PCDHGA2: variants seen among roughly 807,000 people sequenced by gnomAD.
The protein encoded by PCDHGA2 is protocadherin gamma subfamily A, 2, also known as protocadherin gamma-A2.
A neutral mutation model predicts 59.2 loss-of-function variants in PCDHGA2; 40 were observed. The ratio of observed to expected loss-of-function variants is 0.68; its 90% CI spans 0.52 to 0.88. The LOEUF (loss-of-function observed/expected upper bound fraction) is 0.88. PCDHGA2 is among the 40% of genes least tolerant of loss of function. PCDHGA2 has a pLI of 0.00. For synonymous variants in PCDHGA2, 560 were observed against 526.0 expected, an observed-to-expected ratio of 1.06 and a Z score of -0.89; for missense variants, 1,226 against 1,204.0, an observed-to-expected ratio of 1.02 and a Z score of -0.27.
rs70988800 is a variant in PCDHGA2, at chr5:141,379,889, C to CTTTTTTTTTTTT, written c.2424+38513_2424+38524dup. Reference sequence around the variant, plus strand: ...CTTATTTTATGGTCTGTGAAAGCCTCTTTTTTTTTTTTTTTTTTTTTTTTT... The same window carrying CTTTTTTTTTTTT: ...CTTATTTTATGGTCTGTGAAAGCCTCTTTTTTTTTTTTTTTTTTTTTTTTTTTTTTTTTTTTT... On this transcript the variant is annotated intron_variant, in intron 1 of 3. Transcript: ENST00000394576. Among the ~76,000 whole-genome samples, 158 of 50,832 alleles carry CTTTTTTTTTTTT rather than the reference C, an allele frequency of 3.1e-3. 25 individuals are homozygous for CTTTTTTTTTTTT. The highest frequency in any genetic ancestry group is 4.7e-3 in the African/African-American group (71 of 15,080). 33.3% of individuals were successfully genotyped at this position (50,832 alleles called of 152,430 possible). A position where few individuals can be genotyped will look rare whatever the true frequency, so the allele number is the denominator to read the frequency against.
At chr5:141,426,896 C>A in intron 1 of PCDHGA2, 1 of 456,782 alleles carries the variant, frequency 2.2e-6, no homozygotes, top group Non-Finnish European at 4.4e-6. Context: ...AGCAACAGAG[C>A]TCTCATCTCC....
intron 1 of PCDHGA2, chr5:141,423,372 C>G: frequency 6.2e-7 from 1 of 1,614,178 alleles, no homozygotes; most frequent in Non-Finnish European, 8.5e-7. Context: ...TGCTGGCACT[C>G]AGGCTGTGGC....
intron 1 of PCDHGA2, among the ~76,000 whole-genome samples, chr5:141,353,692 T>C (rs1759355773): frequency 6.6e-6 from 1 of 152,252 alleles, no homozygotes. Context: ...TAAAGCGTTT[T>C]CCATACTTCT....
At position 141,345,726 on chromosome 5, in the gene PCDHGA2, C is replaced by T. The variant is rs752462186; in HGVS notation, c.2424+4331C>T. 12 of 1,614,250 alleles carry T rather than the reference C, an allele frequency of 7.4e-6. No homozygotes were observed. The South Asian group carries it at 8.8e-5, about 12-fold the overall frequency. ...CGACAACGCGCCCGAGATCCTGTAC[C>T]CCGCCCTCCCCACAGACGGTTCCAC... On this transcript the variant is annotated intron_variant, in intron 1 of 3. Transcript: ENST00000394576.
At chr5:141,482,852 A>G (rs1237049208) in intron 1 of PCDHGA2, among the ~76,000 whole-genome samples, 1 of 144,420 alleles carries the variant, frequency 6.9e-6, no homozygotes, top group Non-Finnish European at 1.5e-5. Flanking sequence ...TGGGCAGATC[A>G]CTTGAGGTCA....
At position 141,505,413 on chromosome 5, in the gene PCDHGA2, C is replaced by A; in HGVS notation, c.2504C>A (p.Thr835Asn). ...CCCAGCTCCCAAAATGGCGATGACACCGGCACCTGGCCCAACAACCAGTTT... is the reference window on the plus strand; with the variant it reads ...CCCAGCTCCCAAAATGGCGATGACAACGGCACCTGGCCCAACAACCAGTTT... ...GTSGSQNGDD[T>N]GTWPNNQFDT... Residue 835 changes from threonine to asparagine, a missense_variant, in exon 3 of 4, where the codon ACC becomes AAC. Physicochemically the swap from Thr to Asn is moderately conservative, Grantham distance 65 (BLOSUM62 0). Coordinates refer to ENST00000394576, the MANE Select transcript of PCDHGA2 (RefSeq NM_018915.4). 1 of 1,614,202 alleles carries A rather than the reference C, an allele frequency of 6.2e-7. No homozygotes were observed. Among genetic ancestry groups the A allele is most frequent in the Non-Finnish European group, 8.5e-7 (1 of 1,180,046 alleles).
intron 1 of PCDHGA2, among the ~76,000 whole-genome samples, chr5:141,435,539 C>T (rs75717921): frequency 1.3e-5 from 2 of 152,226 alleles, no homozygotes; most frequent in South Asian, 4.1e-4. Flanking sequence ...TCAGAATTAA[C>T]AAAATGTGTT....
chr5:141,494,977 T>C, intron 2 of PCDHGA2, 112 bp downstream of exon 2: 1 of 1,574,332 alleles, frequency 6.4e-7, no homozygotes, highest in East Asian at 2.3e-5. Context: ...TCTCCCTCAG[T>C]TTGAGATCCC....
chr5:141,409,038 A>G (rs571756448), intron 1 of PCDHGA2: 9 of 1,614,026 alleles, frequency 5.6e-6, no homozygotes, highest in Non-Finnish European at 7.6e-6. Flanking sequence ...GAGATAAACT[A>G]CTACTTCCGA....
intron 1 of PCDHGA2, chr5:141,399,203 G>A: frequency 6.2e-7 from 1 of 1,613,940 alleles, no homozygotes. Flanking sequence ...GCGGTGCCTG[G>A]AACACTAATT....
intron 1 of PCDHGA2, chr5:141,361,069 G>T (rs747875757): frequency 2.5e-6 from 4 of 1,613,910 alleles, no homozygotes; most frequent in Non-Finnish European, 3.4e-6. Context: ...TTTTGAGATT[G>T]CAAGTAGTTA....
chr5:141,410,239 T>C, intron 1 of PCDHGA2: 2 of 1,614,024 alleles, frequency 1.2e-6, no homozygotes, highest in Admixed American at 1.7e-5. Flanking sequence ...GCGACCGCCC[T>C]GTACTCTCTG....
chr5:141,494,927 G>A, intron 2 of PCDHGA2, 62 bp downstream of exon 2: 1 of 1,613,516 alleles, frequency 6.2e-7, no homozygotes, highest in Non-Finnish European at 8.5e-7. Flanking sequence ...GATGACGTGG[G>A]AGGAGATGGG....
chr5:141,375,217 G>A (rs758328831), intron 1 of PCDHGA2: 2 of 1,613,968 alleles, frequency 1.2e-6, no homozygotes, highest in South Asian at 2.2e-5. Context: ...ACTCTGGCCT[G>A]AATGGCCTGG....
chr5:141,414,822 C>G, intron 1 of PCDHGA2: 3 of 1,614,240 alleles, frequency 1.9e-6, no homozygotes, highest in Non-Finnish European at 2.5e-6. Flanking sequence ...TCAGCAGCAA[C>G]GTGTCGTTGA....
chr5:141,467,233 A>G (rs1009794220), intron 1 of PCDHGA2, among the ~76,000 whole-genome samples: 1 of 151,564 alleles, frequency 6.6e-6, no homozygotes, highest in South Asian at 2.1e-4. Flanking sequence ...TTGTATTTTT[A>G]GTAGAGATGG....
chr5:141,473,235 C>T (rs1322325327), intron 1 of PCDHGA2, among the ~76,000 whole-genome samples: 1 of 152,132 alleles, frequency 6.6e-6, no homozygotes, highest in Non-Finnish European at 1.5e-5. Flanking sequence ...TGGATCCACA[C>T]AAGTGAATAC....
In PCDHGA2 at chr5:141,423,241, G is replaced by T. The variant is rs1485226833; in HGVS notation, c.2425-71566G>T. The T allele has an allele frequency of 6.8e-6, 11 of 1,613,836 alleles. No individual in the cohort carries two copies. The Admixed American group carries it at 1.5e-4, about 22-fold the overall frequency. On this transcript the variant is annotated intron_variant, in intron 1 of 3. Transcript: ENST00000394576. ...GGCTGTGGCCGACAGCATCCCCGAAGTCCTGGCGGACCTCGGCAGCCTCGA... is the reference window on the plus strand; with the variant it reads ...GGCTGTGGCCGACAGCATCCCCGAATTCCTGGCGGACCTCGGCAGCCTCGA...
rs752110384 is a variant in PCDHGA2 at position 141,340,789 on chromosome 5, C to T, written c.1818C>T (p.Tyr606=). The change falls in exon 1 of 4, where the codon TAC becomes TAT. Residue 606 remains tyrosine, a synonymous_variant. Transcript: ENST00000394576. ...RDSGQNAWLS[Y]HLLKASEPGL... is the part of the protein sequence containing the mutation. ...CGGGCCAGAACGCCTGGCTGTCTTACCACCTGCTCAAGGCCAGCGAGCCGG... is the reference window on the plus strand; with the variant it reads ...CGGGCCAGAACGCCTGGCTGTCTTATCACCTGCTCAAGGCCAGCGAGCCGG... 1 of 1,613,928 alleles carries T rather than the reference C, an allele frequency of 6.2e-7. No homozygotes were observed. The highest frequency in any genetic ancestry group is 8.5e-7 in the Non-Finnish European group (1 of 1,180,020).
Sources: allele counts gnomAD v4.1 joint callset (sites outside exome capture counted in the v4.1 genomes callset), GRCh38; gene constraint gnomAD v4.1.1; transcripts MANE v1.5; gene names NCBI Gene and HGNC (gene_info 2026-07-23, HGNC 2026-07-21).